ZNF180: variants seen among roughly 807,000 people sequenced by gnomAD.
ZNF180 encodes the protein zinc finger protein 180 (HHZ168).
ZNF180 carries 11 observed loss-of-function variants against 11.8 expected under a neutral mutation model. The observed-to-expected ratio is 0.93, with a 90% confidence interval of 0.59 to 1.55. The LOEUF is 1.55. Ranked by LOEUF, ZNF180 falls within the 40% of genes most tolerant of loss-of-function variation. The probability of loss-of-function intolerance (pLI) is 0.00; values close to 1 mark genes in which losing one functional copy is unlikely to be tolerated. For missense variants in ZNF180, 773 were observed against 781.7 expected, an observed-to-expected ratio of 0.99 and a Z score of 0.13; for synonymous variants, 287 against 257.7, an observed-to-expected ratio of 1.11 and a Z score of -1.09.
Position 44,495,195 on chromosome 19 carries a change from CT to C in ZNF180, c.51+2088del, listed in dbSNP as rs1451673188. On this transcript the variant is annotated intron_variant, in intron 2 of 4. Transcript: ENST00000592529. This position sits in a 1 kb window ranked among gnomAD's most constrained non-coding sequence, Gnocchi z 4.5. The stretch of plus-strand genomic sequence containing the variant: ...ACACTTACTTATCTGATCTAGCCCC[CT>C]GTAGGTAGTTCCTCTCCCATTTCCA... Among the ~76,000 whole-genome samples, 3 of 152,274 alleles carry C rather than the reference CT, an allele frequency of 2.0e-5. No homozygotes were observed. Among genetic ancestry groups the C allele is most frequent in the Admixed American group, 6.5e-5 (1 of 15,294 alleles).
Position 44,484,428 on chromosome 19 carries a change from A to T in ZNF180, c.59T>A (p.Phe20Tyr), listed in dbSNP as rs545707772. The T allele has an allele frequency of 6.2e-7, 1 of 1,613,790 alleles. No individual in the cohort carries two copies. Among genetic ancestry groups the T allele is most frequent in the Admixed American group, 1.7e-5 (1 of 60,028 alleles). The change falls in exon 3 of 5, where the codon TTC becomes TAC. Residue 20 changes from phenylalanine (F) to tyrosine (Y), a missense_variant. Coordinates refer to ENST00000592529, the MANE Select transcript of ZNF180 (RefSeq NM_001278509.3). ...EPPKVCAQDS[F>Y]LPQEIIIKVE... ...TTTGATGATAATCTCTTGAGGAAGGAAAGAATCCTGAAAAGGCAAAACAGA... is the reference window on the plus strand; with the variant it reads ...TTTGATGATAATCTCTTGAGGAAGGTAAGAATCCTGAAAAGGCAAAACAGA...
chr19:44,493,266 T>C (rs535377608), intron 2 of ZNF180, among the ~76,000 whole-genome samples: 1 of 152,352 alleles, frequency 6.6e-6, no homozygotes, highest in East Asian at 1.9e-4. Flanking sequence ...TCTCAGTCCC[T>C]GAAGGCAGGT....
chr19:44,488,659 A>C (rs1252811209), intron 2 of ZNF180, among the ~76,000 whole-genome samples: 4 of 151,988 alleles, frequency 2.6e-5, no homozygotes, highest in African/African-American at 4.8e-5. Context: ...CAAAGTGCCA[A>C]GATTGCAGCC....
chr19:44,494,652 G>A (rs1970534058), intron 2 of ZNF180, among the ~76,000 whole-genome samples: 1 of 152,112 alleles, frequency 6.6e-6, no homozygotes, highest in Admixed American at 6.5e-5. Context: ...CAGACTGGGT[G>A]ACAGAGTGAG....
rs1255049582 is a variant in ZNF180 at position 44,476,624 on chromosome 19, G to A, written c.1776C>T (p.Cys592=). 3.1e-6 allele frequency: 5 copies of A among 1,613,910 alleles called. No individual in the cohort carries two copies. The highest frequency in any genetic ancestry group is 3.4e-6 in the Non-Finnish European group (4 of 1,179,944). The change falls in exon 5 of 5, where the codon TGC becomes TGT. Residue 592 remains cysteine (C), a synonymous_variant. Coordinates refer to ENST00000592529, the MANE Select transcript of ZNF180 (RefSeq NM_001278509.3). ...TATGAGTTCTCTGATGTTGAGTAAGGCATGAACTCTGTCTGAAGGACTTCC... is the reference window on the plus strand; with the variant it reads ...TATGAGTTCTCTGATGTTGAGTAAGACATGAACTCTGTCTGAAGGACTTCC... ...QCGKSFRQSS[C]LTQHQRTHTG...
At chr19:44,481,298 G>A (rs1600074562) in intron 3 of ZNF180, among the ~76,000 whole-genome samples, 2 of 152,264 alleles carry the variant, frequency 1.3e-5, no homozygotes, top group East Asian at 3.9e-4. Flanking sequence ...AAATACTGCT[G>A]TATATGCCTC....
intron 4 of ZNF180, among the ~76,000 whole-genome samples, chr19:44,478,732 C>T (rs1397099257): frequency 6.6e-6 from 1 of 152,150 alleles, no homozygotes; most frequent in Non-Finnish European, 1.5e-5. Context: ...AAGTTTGCTC[C>T]TAGTAGCCTG....
chr19:44,487,750 C>T (rs1970267544), intron 2 of ZNF180, among the ~76,000 whole-genome samples: 1 of 152,172 alleles, frequency 6.6e-6, no homozygotes, highest in African/African-American at 2.4e-5. Context: ...GGTTTTGAGA[C>T]AGAGTCTCGC....
intron 2 of ZNF180, among the ~76,000 whole-genome samples, chr19:44,496,286 T>C (rs1970576618): frequency 6.6e-6 from 1 of 152,010 alleles, no homozygotes; most frequent in Admixed American, 6.6e-5. Context: ...CCCAAAGTAC[T>C]GGGATTATAG....
In ZNF180 at chr19:44,477,258, G is replaced by A; in HGVS notation, c.1142C>T (p.Pro381Leu). 2 of 1,614,116 alleles carry A rather than the reference G, an allele frequency of 1.2e-6. No individual in the cohort carries two copies. The highest frequency in any genetic ancestry group is 1.7e-6 in the Non-Finnish European group (2 of 1,180,002). Residue 381 changes from proline (P) to leucine (L), a missense_variant, in exon 5 of 5, where the codon CCT becomes CTT. Physicochemically the swap from Pro to Leu is moderately conservative, Grantham distance 98 (BLOSUM62 -3). Coordinates refer to ENST00000592529, the MANE Select transcript of ZNF180 (RefSeq NM_001278509.3). ...TTTCCCACATTGATTACACCTGTAA[G>A]GTTTCTCTCCAGTATGAGTTCTCTG... ...SHQRTHTGEK[P>L]YRCNQCGKSF...
At chr19:44,496,121 C>T (rs1469046313) in intron 2 of ZNF180, among the ~76,000 whole-genome samples, 1 of 151,972 alleles carries the variant, frequency 6.6e-6, no homozygotes, top group East Asian at 2.0e-4. Flanking sequence ...TGGGCTCAGG[C>T]GATCCTCCCA....
At chr19:44,482,252 G>A (rs1197663409) in intron 3 of ZNF180, among the ~76,000 whole-genome samples, 4 of 152,170 alleles carry the variant, frequency 2.6e-5, no homozygotes, top group African/African-American at 9.7e-5. Context: ...AGGCTGCAGT[G>A]AGCCATGATC....
In ZNF180 at chr19:44,489,821, AAAAG is replaced by A. The variant is rs1475680331; in HGVS notation, c.52-5390_52-5387del. Among the ~76,000 whole-genome samples the A allele has an allele frequency of 5.4e-4, 53 of 98,248 alleles. No homozygotes were observed. The East Asian group carries it at 7.6e-3, about 14-fold the overall frequency. 64.5% of individuals were successfully genotyped at this position (98,248 alleles called of 152,430 possible). ...ATAAATAAATAAACTTGACCGAAAG[AAAAG>A]AAAGAAAAGAAGAGAAGAGATGAGA... On this transcript the variant is annotated intron_variant, in intron 2 of 4. Transcript: ENST00000592529.
intron 2 of ZNF180, among the ~76,000 whole-genome samples, chr19:44,493,035 G>C (rs964054738): frequency 3.3e-5 from 5 of 152,168 alleles, no homozygotes; most frequent in African/African-American, 1.2e-4. Flanking sequence ...TCCCTTCCCT[G>C]ATTTTCTCAG....
intron 3 of ZNF180, among the ~76,000 whole-genome samples, chr19:44,481,601 T>C (rs1970082132): frequency 6.6e-6 from 1 of 152,208 alleles, no homozygotes. Flanking sequence ...ACTTCTATAA[T>C]CACACTTTCT....
At chr19:44,481,896 A>G (rs974883263) in intron 3 of ZNF180, among the ~76,000 whole-genome samples, 2 of 152,206 alleles carry the variant, frequency 1.3e-5, no homozygotes, top group Admixed American at 1.3e-4. Context: ...ATGTGCAGAT[A>G]CTAGCTTTTC....
intron 2 of ZNF180, among the ~76,000 whole-genome samples, chr19:44,492,618 C>T (rs1269770678): frequency 1.3e-5 from 2 of 151,966 alleles, no homozygotes; most frequent in Admixed American, 6.6e-5. Context: ...CATAGTAAGA[C>T]AGTGGTCAAA....
chr19:44,480,435 T>C (rs1357325082), intron 3 of ZNF180, among the ~76,000 whole-genome samples: 1 of 152,194 alleles, frequency 6.6e-6, no homozygotes, highest in African/African-American at 2.4e-5. Context: ...GTTTATTCCA[T>C]TTCTATTTAT....
At position 44,477,203 on chromosome 19, in the gene ZNF180, CACA is replaced by C. The variant is rs1368691691; in HGVS notation, c.1194_1196del (p.Val399del). 2 of 1,613,786 alleles carry C rather than the reference CACA, an allele frequency of 1.2e-6. No individual in the cohort carries two copies. Among genetic ancestry groups the C allele is most frequent in the East Asian group, 2.2e-5 (1 of 44,876 alleles). ...TCTCCCCAGTATGAGTTCTTTGATG[CACA>C]ACAAGGACATAACTCTGGCTAAAGG... On this transcript the variant is annotated inframe_deletion, in exon 5 of 5. Transcript: ENST00000592529.
Sources: gnomAD v4.1 joint callset for allele counts (sites outside exome capture counted in the v4.1 genomes callset) on GRCh38, gnomAD v4.1.1 for gene constraint, Gnocchi (gnomAD v3.1) non-coding constraint, MANE v1.5 for transcripts, NCBI Gene and HGNC (gene_info 2026-07-23, HGNC 2026-07-21) for gene names.